Variants in PLCL2 observed in about 807,000 individuals in gnomAD.
PLCL2 encodes the protein inactive phospholipase C-like protein 2.
In PLCL2, 4 loss-of-function variants were observed where a neutral mutation model predicts 79.6. The observed-to-expected ratio is 0.05, with a 90% CI of 0.02 to 0.11. The LOEUF is 0.11. Among genes scored for constraint, PLCL2 ranks in the 10% least tolerant of loss-of-function variants. The probability of loss-of-function intolerance (pLI) is 1.00; values close to 1 mark genes in which losing one functional copy is unlikely to be tolerated. For synonymous variants in PLCL2, 484 were observed against 457.7 expected, an observed-to-expected ratio of 1.06 and a Z score of -0.73; for missense variants, 895 against 1,291.0, an observed-to-expected ratio of 0.69 and a Z score of 4.70.
chr3:16,885,635 C>T (rs903515957), intron 1 of PLCL2, among the ~76,000 whole-genome samples: 2 of 152,204 alleles, frequency 1.3e-5, no homozygotes, highest in African/African-American at 4.8e-5. Flanking sequence ...GGCATTAGGG[C>T]CTTGTACCTG....
At chr3:17,056,800 A>G (rs1001508101) in intron 4 of PLCL2, among the ~76,000 whole-genome samples, 5 of 152,228 alleles carry the variant, frequency 3.3e-5, no homozygotes, top group African/African-American at 1.2e-4. Flanking sequence ...AGTGGTATAG[A>G]TAACAGGTAT....
chr3:16,920,367 TATA>T (rs1697096956), intron 1 of PLCL2, among the ~76,000 whole-genome samples: 1 of 152,102 alleles, frequency 6.6e-6, no homozygotes, highest in Non-Finnish European at 1.5e-5. Flanking sequence ...TTATAGATGA[TATA>T]ATAAGGCATT....
At chr3:17,060,110 C>T (rs2064934783) in intron 4 of PLCL2, among the ~76,000 whole-genome samples, 1 of 152,122 alleles carries the variant, frequency 6.6e-6, no homozygotes, top group Admixed American at 6.5e-5. Flanking sequence ...CGTATTATCC[C>T]ACCCAGGTGA....
At chr3:16,943,320 G>A (rs953634763) in intron 1 of PLCL2, among the ~76,000 whole-genome samples, 3 of 152,144 alleles carry the variant, frequency 2.0e-5, no homozygotes, top group Non-Finnish European at 4.4e-5. Flanking sequence ...CCCTTCCATT[G>A]ACAAATGGCC....
chr3:16,996,357 G>T (rs1465989665), intron 1 of PLCL2, among the ~76,000 whole-genome samples: 1 of 152,008 alleles, frequency 6.6e-6, no homozygotes, highest in African/African-American at 2.4e-5. Flanking sequence ...TCCTACCCAG[G>T]AAGGAAGAGA....
chr3:17,034,041 A>G (rs2064614792), intron 3 of PLCL2, among the ~76,000 whole-genome samples: 1 of 152,216 alleles, frequency 6.6e-6, no homozygotes, highest in East Asian at 1.9e-4. Flanking sequence ...CATTTTGTTC[A>G]GCATCATTTC....
At chr3:16,996,808 A>T (rs894087903) in intron 1 of PLCL2, among the ~76,000 whole-genome samples, 1 of 152,222 alleles carries the variant, frequency 6.6e-6, no homozygotes, top group African/African-American at 2.4e-5. Context: ...GTATTGCTAT[A>T]GAATTGTAAT....
intron 1 of PLCL2, among the ~76,000 whole-genome samples, chr3:16,955,441 T>C (rs2063695801): frequency 6.6e-6 from 1 of 152,230 alleles, no homozygotes; most frequent in African/African-American, 2.4e-5. Context: ...CCTTATAGTA[T>C]AGTTTGAAGT....
At chr3:16,950,086 C>T (rs1477339186) in intron 1 of PLCL2, among the ~76,000 whole-genome samples, 1 of 152,122 alleles carries the variant, frequency 6.6e-6, no homozygotes, top group African/African-American at 2.4e-5. Context: ...AGGACAAGAC[C>T]TTTGCTCTTC....
rs375090182 is a variant in PLCL2 at position 16,942,940 on chromosome 3, A to G, written c.327+57574A>G. Among the ~76,000 whole-genome samples, 7 of 152,352 alleles carry G rather than the reference A, an allele frequency of 4.6e-5. 1 individual carries two copies. On this transcript the variant is annotated intron_variant, in intron 1 of 5. Coordinates refer to ENST00000615277, the MANE Select transcript of PLCL2 (RefSeq NM_001144382.2). The stretch of plus-strand genomic sequence containing the variant: ...CTAACTTTTCTTTATCCCTGTAGGC[A>G]TAGCATGGTGCTGTGCATAGAAAAA...
intron 1 of PLCL2, among the ~76,000 whole-genome samples, chr3:16,888,286 G>T (rs967531314): frequency 6.6e-5 from 10 of 152,212 alleles, no homozygotes; most frequent in Non-Finnish European, 2.9e-5. Context: ...GTGGTGTTGA[G>T]TAAGAAATTG....
chr3:16,919,382 C>G (rs1366621654), intron 1 of PLCL2, among the ~76,000 whole-genome samples: 3 of 152,070 alleles, frequency 2.0e-5, no homozygotes, highest in Non-Finnish European at 4.4e-5. Context: ...TTTTGTTCCT[C>G]TTTTCCTTAC....
chr3:16,971,203 G>A (rs1461941356), intron 1 of PLCL2, among the ~76,000 whole-genome samples: 9 of 151,532 alleles, frequency 5.9e-5, no homozygotes, highest in Admixed American at 4.6e-4. Context: ...TAGGTCTAAT[G>A]TTTAAGTCTT....
chr3:16,960,640 A>G (rs1017836426), intron 1 of PLCL2, among the ~76,000 whole-genome samples: 1 of 152,182 alleles, frequency 6.6e-6, no homozygotes, highest in East Asian at 1.9e-4. Context: ...CCACCTTTCA[A>G]GGACCACCAA....
intron 1 of PLCL2, among the ~76,000 whole-genome samples, chr3:16,942,464 A>G (rs2063559048): frequency 6.6e-6 from 1 of 152,090 alleles, no homozygotes; most frequent in African/African-American, 2.4e-5. Context: ...CCTGAAAGAG[A>G]AGGAGTGCGT....
intron 1 of PLCL2, among the ~76,000 whole-genome samples, chr3:16,980,544 C>T (rs552879274): frequency 1.3e-5 from 2 of 151,406 alleles, no homozygotes; most frequent in Non-Finnish European, 2.9e-5. Context: ...GATGGGCGGC[C>T]GGGCAGAGAC....
chr3:17,059,773 G>T (rs1333645573), intron 4 of PLCL2, among the ~76,000 whole-genome samples: 1 of 152,148 alleles, frequency 6.6e-6, no homozygotes, highest in Admixed American at 6.5e-5. Flanking sequence ...GATGGGGAAA[G>T]GAAAGACAGT....
At chr3:16,998,714 A>G (rs558910428) in intron 1 of PLCL2, among the ~76,000 whole-genome samples, 2 of 152,348 alleles carry the variant, frequency 1.3e-5, no homozygotes, top group African/African-American at 4.8e-5. Context: ...TTTTGGTAGT[A>G]GTGAAAATGC....
Position 16,885,090 on chromosome 3 carries a change from C to T in PLCL2, c.51C>T (p.Ser17=). The T allele has an allele frequency of 9.2e-6, 4 of 432,786 alleles. No individual in the cohort carries two copies. The highest frequency in any genetic ancestry group is 1.6e-5 in the Non-Finnish European group (4 of 244,112). The allele number at this position is 432,786 out of a possible 1,614,324, so 26.8% of individuals were successfully genotyped here. The change falls in exon 1 of 6, where the codon TCC becomes TCT. Residue 17 remains serine (S), a synonymous_variant. Transcript: ENST00000615277. ...GGAAGGALPT[S]PGPALGAKGA... is the part of the protein sequence containing the mutation. ...CCGCCGGCGGGGCCCTGCCCACCTC[C>T]CCGGGCCCGGCCCTCGGCGCCAAGG... is the stretch of plus-strand genomic sequence containing the variant.
Sources: gnomAD v4.1 joint callset for allele counts (sites outside exome capture counted in the v4.1 genomes callset) on GRCh38, gnomAD v4.1.1 for gene constraint, MANE v1.5 for transcripts, NCBI Gene and HGNC (gene_info 2026-07-23, HGNC 2026-07-21) for gene names.